Variants in AXIN2 observed in about 807,000 individuals in gnomAD.
AXIN2 encodes the protein axin-2.
In AXIN2, 21 loss-of-function variants were observed where a neutral mutation model predicts 74.7. That is an observed-to-expected ratio of 0.28 (90% CI 0.20 to 0.40). The LOEUF (loss-of-function observed/expected upper bound fraction) is 0.40. Among genes scored for constraint, AXIN2 ranks in the 10% least tolerant of loss-of-function variants. The pLI is 1.00. For synonymous variants in AXIN2, 532 were observed against 454.9 expected, an observed-to-expected ratio of 1.17 and a Z score of -2.16; for missense variants, 1,144 against 1,111.1, an observed-to-expected ratio of 1.03 and a Z score of -0.42.
chr17:65,529,921 G>C lies in AXIN2; in HGVS notation c.*55C>G. 1 of 1,613,028 alleles carries C rather than the reference G, an allele frequency of 6.2e-7. No individual in the cohort carries two copies. ...TTTTGTCGCAGTTGCTCACAGCCAAGACAGTTCACAAGAGCTTCGGGCTCC... is the reference window on the plus strand; with the variant it reads ...TTTTGTCGCAGTTGCTCACAGCCAACACAGTTCACAAGAGCTTCGGGCTCC... On this transcript the variant is annotated 3_prime_UTR_variant, in exon 11 of 11. Transcript: ENST00000307078.
intron 5 of AXIN2, 84 bp downstream of exon 5, chr17:65,538,119 C>G (rs1312556545): frequency 1.2e-6 from 2 of 1,600,040 alleles, no homozygotes. Context: ...TGCGCACACC[C>G]TAACGCACCC....
chr17:65,529,670 C>G lies in AXIN2; in HGVS notation c.*306G>C. On this transcript the variant is annotated 3_prime_UTR_variant, in exon 11 of 11. Transcript: ENST00000307078. ...TTCTCTTAGTTTATGGATTTCAGAT[C>G]CCTAGGAAGTCATATATTATGTATG... is the stretch of plus-strand genomic sequence containing the variant. 2.2e-6 allele frequency: 1 copy of G among 456,106 alleles called. No individual in the cohort carries two copies. 28.3% of individuals were successfully genotyped at this position (456,106 alleles called of 1,614,324 possible).
intron 10 of AXIN2, among the ~76,000 whole-genome samples, chr17:65,530,668 T>C (rs1247024289): frequency 6.6e-6 from 1 of 152,170 alleles, no homozygotes; most frequent in East Asian, 1.9e-4. Flanking sequence ...GCAACACTCC[T>C]GGATGGCCCT....
At chr17:65,537,873 AAGC>A (rs752352646) in intron 5 of AXIN2, 38 bp from the exon 6 acceptor site, 14 of 1,511,188 alleles carry the variant, frequency 9.3e-6, no homozygotes, top group Middle Eastern at 3.5e-4. Context: ...GTGACCCAGG[AAGC>A]AGAAGGGCCA....
At chr17:65,541,279 C>CA (rs1434303582) in intron 4 of AXIN2, among the ~76,000 whole-genome samples, 176 bp downstream of exon 4, 4 of 152,190 alleles carry the variant, frequency 2.6e-5, no homozygotes, top group African/African-American at 7.2e-5. Flanking sequence ...CATCACAACC[C>CA]AAAAAACCAT....
At position 65,538,082 on chromosome 17, in the gene AXIN2, C is replaced by G. The variant is rs116306590; in HGVS notation, c.1200+121G>C. ...CAGGCACACACCCACACGCAGCCCA[C>G]GCGCATGCGCATGCAACCCACGCAC... On this transcript the variant is annotated intron_variant, in intron 5 of 10. Transcript: ENST00000307078. The G allele has an allele frequency of 1.7e-3, 2,647 of 1,544,532 alleles. 40 individuals carry two copies. In the African/African-American group the frequency reaches 0.031, roughly 18 times the overall value.
rs868843247 is a variant in AXIN2, at chr17:65,529,571, A to G, written c.*405T>C. ...TCCAAGTTTAAAGCAGCATATCCAT[A>G]AACTGGGGATGGGGGAAATCAACTG... On this transcript the variant is annotated 3_prime_UTR_variant, in exon 11 of 11. Coordinates refer to ENST00000307078, the MANE Select transcript of AXIN2 (RefSeq NM_004655.4). 5 of 351,336 alleles carry G rather than the reference A, an allele frequency of 1.4e-5. No homozygotes were observed. The highest frequency in any genetic ancestry group is 2.6e-5 in the Non-Finnish European group (5 of 188,800). The allele number at this position is 351,336 out of a possible 1,614,324, so 21.8% of individuals were successfully genotyped here.
chr17:65,540,127 G>C (rs1458666578), intron 4 of AXIN2, among the ~76,000 whole-genome samples: 1 of 152,226 alleles, frequency 6.6e-6, no homozygotes, highest in Non-Finnish European at 1.5e-5. Flanking sequence ...GGCTTCAGGA[G>C]CCAGGAGGAG....
chr17:65,540,210 C>A (rs1488608732), intron 4 of AXIN2, among the ~76,000 whole-genome samples: 1 of 151,842 alleles, frequency 6.6e-6, no homozygotes, highest in East Asian at 1.9e-4. Context: ...GTGGTTGACA[C>A]AAGAAGTAGA....
chr17:65,554,710 G>A (rs562356330), intron 2 of AXIN2, among the ~76,000 whole-genome samples: 4 of 152,312 alleles, frequency 2.6e-5, no homozygotes, highest in Admixed American at 1.3e-4. Context: ...TGCTGGGCCC[G>A]ACTTCTTTTA....
In AXIN2 at chr17:65,535,515, A is replaced by G. The variant is rs1364250465; in HGVS notation, c.2237+111T>C. On this transcript the variant is annotated intron_variant, in intron 9 of 10. Coordinates refer to ENST00000307078, the MANE Select transcript of AXIN2 (RefSeq NM_004655.4). Reference sequence around the variant, plus strand: ...TCCTCATCACTAGCGCTAAAATCAAAGTGATTTTAAAAACCAAAAAAAGTT... The same window carrying G: ...TCCTCATCACTAGCGCTAAAATCAAGGTGATTTTAAAAACCAAAAAAAGTT... 4.0e-6 allele frequency: 4 copies of G among 1,007,516 alleles called. No homozygotes were observed. In the African/African-American group the frequency reaches 6.3e-5, roughly 16 times the overall value. 62.4% of individuals were successfully genotyped at this position (1,007,516 alleles called of 1,614,324 possible).
intron 8 of AXIN2, 85 bp downstream of exon 8, chr17:65,536,235 G>C: frequency 7.3e-7 from 1 of 1,379,162 alleles, no homozygotes; most frequent in Non-Finnish European, 1.0e-6. Flanking sequence ...CAGGCAGAAA[G>C]AGAGGCCCTC....
intron 5 of AXIN2, 148 bp downstream of exon 5, chr17:65,538,055 C>G (rs1181517684): frequency 8.9e-6 from 13 of 1,457,894 alleles, no homozygotes; most frequent in Non-Finnish European, 1.2e-5. Flanking sequence ...ACAGCCCACG[C>G]CCAGGCACAC....
rs758210481 is a variant in AXIN2 at position 65,558,000 on chromosome 17, T to C, written c.621A>G (p.Thr207=). Reference sequence around the variant, plus strand: ...CGAGTCCCCCATTACTCATGTAAGCTGTGTTTTCTCCCCCACTCCTCACAT... The same window carrying C: ...CGAGTCCCCCATTACTCATGTAAGCCGTGTTTTCTCCCCCACTCCTCACAT... The part of the protein sequence containing the change: ...LEYVRSGGEN[T]AYMSNGGLGS... Residue 207 remains threonine, a synonymous_variant, in exon 2 of 11, where the codon ACA becomes ACG. Coordinates refer to ENST00000307078, the MANE Select transcript of AXIN2 (RefSeq NM_004655.4). The C allele has an allele frequency of 1.2e-6, 2 of 1,614,194 alleles. No individual in the cohort carries two copies. The highest frequency in any genetic ancestry group is 1.7e-6 in the Non-Finnish European group (2 of 1,180,034).
At chr17:65,539,190 C>T (rs2044002414) in intron 4 of AXIN2, among the ~76,000 whole-genome samples, 1 of 152,338 alleles carries the variant, frequency 6.6e-6, no homozygotes, top group Admixed American at 6.5e-5. Context: ...CCACCCAACC[C>T]CCCACCTCTC....
rs2044310171 is a variant in AXIN2, at chr17:65,558,504, C to T, written c.117G>A (p.Gly39=). ...GTTTGGTGACCTGGCCCTTGCCCACCCCTGGCTGACACGGTGGGGTCTCCC... is the reference window on the plus strand; with the variant it reads ...GTTTGGTGACCTGGCCCTTGCCCACTCCTGGCTGACACGGTGGGGTCTCCC... ...EEGETPPCQP[G]VGKGQVTKPM... The change falls in exon 2 of 11, where the codon GGG becomes GGA. Residue 39 remains glycine, a synonymous_variant. Coordinates refer to ENST00000307078, the MANE Select transcript of AXIN2 (RefSeq NM_004655.4). 1 of 1,613,164 alleles carries T rather than the reference C, an allele frequency of 6.2e-7. No homozygotes were observed.
Position 65,541,541 on chromosome 17 carries a change from A to G in AXIN2, c.973T>C (p.Tyr325His), listed in dbSNP as rs758075343. Reference sequence around the variant, plus strand: ...AGCTGTTTCTTACTGCCCACACGATAAGGAGGAATTCCATCTCTAAGGGAA... The same window carrying G: ...AGCTGTTTCTTACTGCCCACACGATGAGGAGGAATTCCATCTCTAAGGGAA... The part of the protein sequence containing the change: ...TDSSVDGIPP[Y>H]RVGSKKQLQR... The change falls in exon 4 of 11, where the codon TAT becomes CAT. Residue 325 changes from tyrosine (Y) to histidine (H), a missense_variant. Coordinates refer to ENST00000307078, the MANE Select transcript of AXIN2 (RefSeq NM_004655.4). 3.1e-6 allele frequency: 5 copies of G among 1,614,022 alleles called. No homozygotes were observed. Among genetic ancestry groups the G allele is most frequent in the South Asian group, 2.2e-5 (2 of 91,078 alleles).
Position 65,537,274 on chromosome 17 carries a change from G to C in AXIN2, c.1712+50C>G, listed in dbSNP as rs1328542644. 5.0e-6 allele frequency: 8 copies of C among 1,611,260 alleles called. No individual in the cohort carries two copies. The Admixed American group carries it at 1.3e-4, about 27-fold the overall frequency. On this transcript the variant is annotated intron_variant, in intron 6 of 10. Coordinates refer to ENST00000307078, the MANE Select transcript of AXIN2 (RefSeq NM_004655.4). ...CCACCTCACACCTGCCCATGGACCT[G>C]GCTGGGAGACAAGCCCCACACGGGA...
chr17:65,557,486 G>A (rs537619200), intron 2 of AXIN2, among the ~76,000 whole-genome samples: 4 of 152,248 alleles, frequency 2.6e-5, no homozygotes, highest in Admixed American at 2.0e-4. Flanking sequence ...TGGTGACTCA[G>A]AGGCATCAAA....
Sources: allele counts gnomAD v4.1 joint callset (sites outside exome capture counted in the v4.1 genomes callset), GRCh38; gene constraint gnomAD v4.1.1; transcripts MANE v1.5; gene names NCBI Gene and HGNC (gene_info 2026-07-23, HGNC 2026-07-21).